PTPRT: variants seen among roughly 807,000 people sequenced by gnomAD.
PTPRT encodes the protein receptor-type tyrosine-protein phosphatase T.
A neutral mutation model predicts 176.8 loss-of-function variants in PTPRT; 56 were observed. The ratio of observed to expected loss-of-function variants is 0.32; its 90% CI spans 0.26 to 0.40. The LOEUF (loss-of-function observed/expected upper bound fraction) is 0.40. Among genes scored for constraint, PTPRT ranks in the 10% least tolerant of loss-of-function variants. PTPRT has a pLI of 1.00. For synonymous variants in PTPRT, 783 were observed against 739.0 expected, an observed-to-expected ratio of 1.06 and a Z score of -0.96; for missense variants, 1,540 against 1,908.2, an observed-to-expected ratio of 0.81 and a Z score of 3.60.
intron 16 of PTPRT, among the ~76,000 whole-genome samples, chr20:42,178,811 G>T (rs1474508637): frequency 6.6e-6 from 1 of 152,098 alleles, no homozygotes; most frequent in Non-Finnish European, 1.5e-5. Flanking sequence ...CTGCAGTATG[G>T]GACTCAGTTC....
chr20:42,832,845 T>A (rs2078114736), intron 2 of PTPRT, among the ~76,000 whole-genome samples: 2 of 140,552 alleles, frequency 1.4e-5, no homozygotes, highest in South Asian at 2.3e-4. Context: ...GCCTCACACA[T>A]GTAATCTCAG....
intron 1 of PTPRT, among the ~76,000 whole-genome samples, chr20:43,161,886 T>G (rs1600760926): frequency 6.6e-6 from 1 of 152,180 alleles, no homozygotes; most frequent in South Asian, 2.1e-4. Flanking sequence ...CCTCAGATCG[T>G]GGCTACATCA....
At chr20:42,787,711 CCAAAAGCTCTGAAAA>C (rs1400797951) in intron 3 of PTPRT, among the ~76,000 whole-genome samples, 1 of 152,138 alleles carries the variant, frequency 6.6e-6, no homozygotes, top group Non-Finnish European at 1.5e-5. Context: ...TTCTGAAACC[CCAAAAGCTCTGAAAA>C]CAACGTTCTT....
chr20:42,390,513 C>G (rs2058790681), intron 9 of PTPRT, among the ~76,000 whole-genome samples: 1 of 152,166 alleles, frequency 6.6e-6, no homozygotes, highest in Non-Finnish European at 1.5e-5. Context: ...TATTCACATC[C>G]AGATGTAGTA....
rs184749747 is a variant in PTPRT at position 42,351,571 on chromosome 20, G to A, written c.1762+513C>T. The stretch of plus-strand genomic sequence containing the variant: ...GAATTGCATACATATTTAGGATAAT[G>A]AAAGCTGTAAAAAAGGTTCTGAAAT... On this transcript the variant is annotated intron_variant, in intron 10 of 30. Transcript: ENST00000373187. Among the ~76,000 whole-genome samples, 35 of 152,322 alleles carry A rather than the reference G, an allele frequency of 2.3e-4. No homozygotes were observed. The East Asian group carries it at 5.8e-3, about 25-fold the overall frequency.
chr20:42,892,316 G>A (rs6103088), intron 1 of PTPRT, among the ~76,000 whole-genome samples: 1 of 152,098 alleles, frequency 6.6e-6, no homozygotes, highest in Admixed American at 6.5e-5. Context: ...CCCACATGAA[G>A]GAATGGAGCC....
intron 1 of PTPRT, among the ~76,000 whole-genome samples, chr20:43,001,546 CAACAGT>C (rs1197292906): frequency 6.6e-6 from 1 of 151,430 alleles, no homozygotes; most frequent in African/African-American, 2.4e-5. Context: ...GGGGTTAACT[CAACAGT>C]AAGACATTCT....
chr20:43,020,063 CCTCT>C (rs1985588533), intron 1 of PTPRT, among the ~76,000 whole-genome samples: 1 of 148,712 alleles, frequency 6.7e-6, no homozygotes, highest in South Asian at 2.1e-4. Flanking sequence ...CTCTCCTCTC[CCTCT>C]CTTTCTATAT....
At chr20:42,422,769 T>A (rs2059130281) in intron 9 of PTPRT, among the ~76,000 whole-genome samples, 1 of 152,174 alleles carries the variant, frequency 6.6e-6, no homozygotes. Context: ...TGTAGCACTA[T>A]TCACAATAGC....
intron 8 of PTPRT, among the ~76,000 whole-genome samples, chr20:42,466,939 C>G (rs1436900672): frequency 6.6e-6 from 1 of 152,018 alleles, no homozygotes; most frequent in Non-Finnish European, 1.5e-5. Context: ...GTCAAAAGGA[C>G]CTGGGAATCA....
intron 11 of PTPRT, among the ~76,000 whole-genome samples, chr20:42,332,887 A>G (rs1264589438): frequency 6.6e-6 from 1 of 152,254 alleles, no homozygotes; most frequent in African/African-American, 2.4e-5. Flanking sequence ...AATTTTTAAA[A>G]TAAATCCATG....
chr20:42,742,531 GT>G (rs2146297397), intron 6 of PTPRT, among the ~76,000 whole-genome samples: 1 of 152,242 alleles, frequency 6.6e-6, no homozygotes, highest in Admixed American at 6.5e-5. Context: ...GGTCTCAAAT[GT>G]CACAGCAGGA....
At chr20:42,098,677 C>T (rs1985543298) in intron 26 of PTPRT, 125 bp from the exon 27 acceptor site, 1 of 1,284,174 alleles carries the variant, frequency 7.8e-7, no homozygotes, top group Non-Finnish European at 1.1e-6. Flanking sequence ...AAACACCTGC[C>T]TGTTCTTTTA....
chr20:43,083,339 T>TGTATATACATATATATATATATACAC (rs1568773973), intron 1 of PTPRT, among the ~76,000 whole-genome samples: 4 of 109,226 alleles, frequency 3.7e-5, no homozygotes, highest in Non-Finnish European at 7.6e-5. Flanking sequence ...TATATATATA[T>TGTATATACATATATATATATATACAC]ATATATATAT....
intron 9 of PTPRT, among the ~76,000 whole-genome samples, chr20:42,430,922 A>G (rs2059210965): frequency 6.6e-6 from 1 of 152,120 alleles, no homozygotes. Context: ...CTTAAAACAC[A>G]CACTCACACA....
At chr20:42,107,485 G>A (rs952712497) in intron 23 of PTPRT, among the ~76,000 whole-genome samples, 13 of 152,350 alleles carry the variant, frequency 8.5e-5, no homozygotes, top group Admixed American at 4.6e-4. Context: ...CAAGTTTCTT[G>A]ATACATACTT....
At chr20:42,876,865 A>C (rs896074287) in intron 2 of PTPRT, among the ~76,000 whole-genome samples, 9 of 152,176 alleles carry the variant, frequency 5.9e-5, no homozygotes, top group Non-Finnish European at 1.3e-4. Context: ...TGATAAACTC[A>C]GCTACAGAAG....
chr20:42,288,197 A>G (rs768961613), intron 12 of PTPRT, among the ~76,000 whole-genome samples: 42 of 151,960 alleles, frequency 2.8e-4, no homozygotes, highest in Non-Finnish European at 5.6e-4. Flanking sequence ...CACCCAGATC[A>G]AAACACTCAA....
chr20:42,171,952 T>C (rs1990095625), intron 16 of PTPRT, among the ~76,000 whole-genome samples: 1 of 152,068 alleles, frequency 6.6e-6, no homozygotes, highest in African/African-American at 2.4e-5. Flanking sequence ...ACAAGAGCCT[T>C]GTAAGGAATC....
Sources: gnomAD v4.1 joint callset for allele counts (sites outside exome capture counted in the v4.1 genomes callset) on GRCh38, gnomAD v4.1.1 for gene constraint, MANE v1.5 for transcripts, NCBI Gene and HGNC (gene_info 2026-07-23, HGNC 2026-07-21) for gene names.